The following NCKAP5 variants were observed in gnomAD, a reference collection of about 807,000 sequenced individuals.
The protein encoded by NCKAP5 is nck-associated protein 5.
Under a neutral mutation model 167.0 loss-of-function variants are expected in NCKAP5, and 92 were observed. The ratio of observed to expected loss-of-function variants is 0.55; its 90% CI spans 0.47 to 0.66. NCKAP5 has a LOEUF of 0.66. NCKAP5 is among the 30% of genes least tolerant of loss of function. The pLI is 0.00. For synonymous variants in NCKAP5, 891 were observed against 877.4 expected (o/e 1.02, Z -0.27); for missense variants, 2,378 against 2,315.0 (o/e 1.03, Z -0.56).
intron 5 of NCKAP5, among the ~76,000 whole-genome samples, chr2:133,164,029 C>A (rs1294559087): frequency 6.6e-6 from 1 of 152,090 alleles, no homozygotes; most frequent in Non-Finnish European, 1.5e-5. Context: ...ACAGCAAGGC[C>A]TCAGAAAACA....
At chr2:133,511,988 G>A (rs968908049) in intron 3 of NCKAP5, among the ~76,000 whole-genome samples, 5 of 152,284 alleles carry the variant, frequency 3.3e-5, no homozygotes, top group Middle Eastern at 3.4e-3. Flanking sequence ...GGAAGCTGGT[G>A]TTTTGGGCTC....
chr2:133,246,907 A>T (rs2088028686), intron 4 of NCKAP5, among the ~76,000 whole-genome samples: 1 of 152,166 alleles, frequency 6.6e-6, no homozygotes, highest in Admixed American at 6.5e-5. Flanking sequence ...CAGCCTTAGG[A>T]TTATTTACTC....
intron 3 of NCKAP5, among the ~76,000 whole-genome samples, chr2:133,318,456 G>C (rs1429587376): frequency 6.6e-6 from 1 of 152,156 alleles, no homozygotes; most frequent in African/African-American, 2.4e-5. Flanking sequence ...TGATTAAAAA[G>C]TGCTTTTATA....
At chr2:133,147,459 A>G (rs1181088418) in intron 5 of NCKAP5, among the ~76,000 whole-genome samples, 1 of 152,170 alleles carries the variant, frequency 6.6e-6, no homozygotes, top group Non-Finnish European at 1.5e-5. Flanking sequence ...CATATCGCTA[A>G]TAATTGTTGA....
intron 3 of NCKAP5, among the ~76,000 whole-genome samples, chr2:133,462,617 GA>G (rs1423930559): frequency 1.3e-5 from 2 of 152,130 alleles, no homozygotes; most frequent in East Asian, 3.9e-4. Context: ...CGCAAGCCTA[GA>G]GTTTTACTAC....
At chr2:133,662,072 C>T in the NCKAP5 span, among the ~76,000 whole-genome samples, 1 of 152,134 alleles carries the variant, frequency 6.6e-6, no homozygotes, top group Admixed American at 6.5e-5. Flanking sequence ...GTCTCCTTAT[C>T]TGTGAATGTA....
intron 10 of NCKAP5, among the ~76,000 whole-genome samples, chr2:132,866,977 C>T (rs1328308842): frequency 6.6e-6 from 1 of 152,114 alleles, no homozygotes; most frequent in African/African-American, 2.4e-5. Context: ...TTTGGAATCT[C>T]CAAAAGCCCC....
intron 3 of NCKAP5, among the ~76,000 whole-genome samples, chr2:133,373,967 AC>A (rs1685971333): frequency 6.6e-6 from 1 of 152,178 alleles, no homozygotes; most frequent in Non-Finnish European, 1.5e-5. Flanking sequence ...GAATGGTAAA[AC>A]CCTATATGTA....
intron 7 of NCKAP5, among the ~76,000 whole-genome samples, chr2:132,991,720 T>G: frequency 6.6e-6 from 1 of 152,092 alleles, no homozygotes; most frequent in Non-Finnish European, 1.5e-5. Flanking sequence ...GGCCTAAGCT[T>G]TACGTGGGCC....
At chr2:133,131,715 C>G (rs1287373158) in intron 5 of NCKAP5, among the ~76,000 whole-genome samples, 1 of 152,018 alleles carries the variant, frequency 6.6e-6, no homozygotes, top group Non-Finnish European at 1.5e-5. Context: ...AAATGACATT[C>G]TGGAAGCGCT....
At chr2:133,000,715 A>AT (rs1352670493) in intron 6 of NCKAP5, among the ~76,000 whole-genome samples, 1 of 152,138 alleles carries the variant, frequency 6.6e-6, no homozygotes, top group Non-Finnish European at 1.5e-5. Flanking sequence ...AAATTTTTAA[A>AT]TTTTTTAATT....
chr2:133,483,890 G>T (rs1238682120), intron 3 of NCKAP5, among the ~76,000 whole-genome samples: 1 of 152,186 alleles, frequency 6.6e-6, no homozygotes, highest in Non-Finnish European at 1.5e-5. Context: ...ATTCAGCCAG[G>T]TTTGAAAACC....
intron 6 of NCKAP5, chr2:133,123,921 A>G: frequency 1.5e-5 from 6 of 393,474 alleles, no homozygotes; most frequent in South Asian, 1.1e-4. Flanking sequence ...AGGTGCCTAC[A>G]GTTTCCAAAT....
chr2:133,223,897 C>G (rs531462730), intron 4 of NCKAP5, among the ~76,000 whole-genome samples: 27 of 152,156 alleles, frequency 1.8e-4, no homozygotes, highest in Admixed American at 6.5e-4. Context: ...AGGAATGTAC[C>G]CCAATCCTCC....
intron 11 of NCKAP5, among the ~76,000 whole-genome samples, chr2:132,842,446 T>G (rs565363586): frequency 6.6e-6 from 1 of 152,308 alleles, no homozygotes; most frequent in Non-Finnish European, 1.5e-5. Context: ...TATTTCCTTT[T>G]GTATTTTCCT....
chr2:132,951,533 C>T (rs2076187538), intron 8 of NCKAP5, among the ~76,000 whole-genome samples: 1 of 152,134 alleles, frequency 6.6e-6, no homozygotes, highest in South Asian at 2.1e-4. Context: ...CTGCATATTT[C>T]CCACTCCCTT....
chr2:133,404,125 G>C (rs562938975), intron 3 of NCKAP5, among the ~76,000 whole-genome samples: 2 of 152,298 alleles, frequency 1.3e-5, no homozygotes, highest in South Asian at 4.1e-4. Flanking sequence ...TGAATTGAAT[G>C]AATTAAGAGA....
In NCKAP5 at chr2:132,834,437, C is replaced by T. The variant is rs572013342; in HGVS notation, c.807+26055G>A. Reference sequence around the variant, plus strand: ...TCGGCTCACTGCAAGCTCCGCCTCCCGGGTTCATGCCATTCTCCTGCCTCA... The same window carrying T: ...TCGGCTCACTGCAAGCTCCGCCTCCTGGGTTCATGCCATTCTCCTGCCTCA... On this transcript the variant is annotated intron_variant, in intron 11 of 19. Transcript: ENST00000409261. Among the ~76,000 whole-genome samples the T allele has an allele frequency of 2.1e-3, 316 of 152,142 alleles. 2 individuals are homozygous for T. Among genetic ancestry groups the T allele is most frequent in the South Asian group, 6.8e-3 (33 of 4,820 alleles).
intron 4 of NCKAP5, among the ~76,000 whole-genome samples, chr2:133,291,012 G>T (rs1253606829): frequency 2.0e-5 from 3 of 152,076 alleles, no homozygotes; most frequent in Admixed American, 2.0e-4. Flanking sequence ...GAGCCACCAT[G>T]CTTGGACAGT....
Sources: allele counts gnomAD v4.1 joint callset (sites outside exome capture counted in the v4.1 genomes callset), GRCh38; gene constraint gnomAD v4.1.1; transcripts MANE v1.5; gene names NCBI Gene and HGNC (gene_info 2026-07-23, HGNC 2026-07-21).